SGCZ: variants seen among roughly 807,000 people sequenced by gnomAD.
SGCZ encodes the protein sarcoglycan zeta.
In SGCZ, 40 loss-of-function variants were observed where a neutral mutation model predicts 41.3. The observed-to-expected ratio is 0.97, with a 90% CI of 0.75 to 1.26. SGCZ has a LOEUF of 1.26. Among genes scored for constraint, SGCZ ranks in the 50% most tolerant of loss-of-function variants. The pLI is 0.00. For missense variants in SGCZ, 552 were observed against 369.8 expected (o/e 1.49, Z -4.04); for synonymous variants, 206 against 137.5 (o/e 1.50, Z -3.49).
At chr8:14,683,960 G>C (rs1808526946) in intron 1 of SGCZ, among the ~76,000 whole-genome samples, 1 of 152,046 alleles carries the variant, frequency 6.6e-6, no homozygotes, top group Non-Finnish European at 1.5e-5. Flanking sequence ...ATCTGAATGT[G>C]TTTCATCTCA....
chr8:15,216,573 G>T lies in SGCZ; in HGVS notation c.39+21012C>A, dbSNP rs900563111. Among the ~76,000 whole-genome samples the T allele has an allele frequency of 1.3e-4, 20 of 151,906 alleles. 1 individual carries two copies. Among genetic ancestry groups the T allele is most frequent in the African/African-American group, 4.8e-4 (20 of 41,358 alleles). ...GTAACAAAGACCCTGTACAAGTTGT[G>T]TATAAATATACAGAATTCCCAGGAA... On this transcript the variant is annotated intron_variant, in intron 1 of 7. Coordinates refer to ENST00000382080, the MANE Select transcript of SGCZ (RefSeq NM_139167.4).
chr8:14,372,880 G>C (rs1210208487), intron 2 of SGCZ, among the ~76,000 whole-genome samples: 1 of 151,920 alleles, frequency 6.6e-6, no homozygotes, highest in Non-Finnish European at 1.5e-5. Flanking sequence ...GAGGGACTTA[G>C]TAGTTAATTG....
At chr8:14,320,715 T>C (rs1382447939) in intron 3 of SGCZ, among the ~76,000 whole-genome samples, 1 of 152,026 alleles carries the variant, frequency 6.6e-6, no homozygotes, top group Non-Finnish European at 1.5e-5. Flanking sequence ...GTGGAGTTAC[T>C]GGAATTTGAA....
At chr8:14,311,329 G>A (rs946335912) in intron 3 of SGCZ, among the ~76,000 whole-genome samples, 72 of 152,176 alleles carry the variant, frequency 4.7e-4, no homozygotes, top group African/African-American at 1.7e-3. Flanking sequence ...TAGTTCCACA[G>A]TCATAAAAAA....
chr8:14,456,243 T>G (rs934230938), intron 2 of SGCZ, among the ~76,000 whole-genome samples: 1 of 152,078 alleles, frequency 6.6e-6, no homozygotes, highest in Non-Finnish European at 1.5e-5. Context: ...ACCCTGTCTC[T>G]ACTAAATATA....
intron 2 of SGCZ, among the ~76,000 whole-genome samples, chr8:14,378,627 GAAC>G (rs1804233772): frequency 6.6e-6 from 1 of 152,144 alleles, no homozygotes; most frequent in African/African-American, 2.4e-5. Context: ...AAGGACATGA[GAAC>G]CCTTGATTTA....
chr8:14,494,749 G>T (rs1354120950), intron 2 of SGCZ, among the ~76,000 whole-genome samples: 3 of 152,170 alleles, frequency 2.0e-5, no homozygotes, highest in Non-Finnish European at 2.9e-5. Context: ...GTGACTGTTT[G>T]TAACCAGAGG....
At chr8:15,012,742 A>C (rs1311301158) in intron 1 of SGCZ, among the ~76,000 whole-genome samples, 1 of 146,920 alleles carries the variant, frequency 6.8e-6, no homozygotes, top group Non-Finnish European at 1.5e-5. Flanking sequence ...AATATGTTAT[A>C]GAATATAAAT....
At chr8:14,136,529 C>G (rs1022261944) in intron 5 of SGCZ, among the ~76,000 whole-genome samples, 3 of 152,190 alleles carry the variant, frequency 2.0e-5, no homozygotes, top group African/African-American at 7.2e-5. Context: ...GTTCCACACC[C>G]AAAGAGCCTT....
At chr8:15,076,147 C>T (rs1241821098) in intron 1 of SGCZ, among the ~76,000 whole-genome samples, 1 of 152,104 alleles carries the variant, frequency 6.6e-6, no homozygotes, top group African/African-American at 2.4e-5. Flanking sequence ...TACAAAATAT[C>T]TGAAGATATT....
At chr8:14,247,208 G>A (rs750695178) in intron 3 of SGCZ, among the ~76,000 whole-genome samples, 7 of 152,164 alleles carry the variant, frequency 4.6e-5, no homozygotes, top group Admixed American at 3.9e-4. Context: ...GAATTAGCTA[G>A]TCATGGAGGC....
intron 1 of SGCZ, among the ~76,000 whole-genome samples, chr8:14,797,791 G>A (rs1429375300): frequency 2.0e-5 from 3 of 152,194 alleles, no homozygotes; most frequent in Non-Finnish European, 4.4e-5. Flanking sequence ...TGCAGCCTAG[G>A]GATTTGGTGC....
chr8:14,855,106 A>G (rs1374596127), intron 1 of SGCZ, among the ~76,000 whole-genome samples: 1 of 151,886 alleles, frequency 6.6e-6, no homozygotes, highest in East Asian at 1.9e-4. Flanking sequence ...CAACTGGAGT[A>G]CAGTGGCACA....
chr8:14,191,477 G>A (rs1384653892), intron 4 of SGCZ, among the ~76,000 whole-genome samples: 1 of 152,148 alleles, frequency 6.6e-6, no homozygotes, highest in African/African-American at 2.4e-5. Flanking sequence ...CTTAGGTATA[G>A]ATCTTTAATC....
At chr8:15,193,152 T>C (rs952185895) in intron 1 of SGCZ, among the ~76,000 whole-genome samples, 19 of 152,030 alleles carry the variant, frequency 1.2e-4, no homozygotes, top group Admixed American at 5.9e-4. Flanking sequence ...TTTGAGCAAG[T>C]CTCCTGATTC....
At chr8:14,269,471 G>C (rs957495879) in intron 3 of SGCZ, among the ~76,000 whole-genome samples, 2 of 151,966 alleles carry the variant, frequency 1.3e-5, no homozygotes, top group African/African-American at 4.8e-5. Flanking sequence ...CACTGCATCA[G>C]AAATATATGC....
intron 4 of SGCZ, among the ~76,000 whole-genome samples, chr8:14,232,146 T>TAC (rs34088537): frequency 2.6e-5 from 4 of 151,108 alleles, no homozygotes; most frequent in African/African-American, 7.3e-5. Context: ...CATATATATA[T>TAC]ACATATATAT....
Position 14,554,738 on chromosome 8 carries a change from G to A in SGCZ, c.228C>T (p.Phe76=), listed in dbSNP as rs753269316. Residue 76 remains phenylalanine, a synonymous_variant, in exon 2 of 8, where the codon TTC becomes TTT. Coordinates refer to ENST00000382080, the MANE Select transcript of SGCZ (RefSeq NM_139167.4). ...AAATCATAGTGGTACTTACCACAGT[G>A]AAATTCATAACTTTCAATATCCATA... ...MTIWILKVMN[F]TVDGMGNLRV... 6.2e-7 allele frequency: 1 copy of A among 1,611,968 alleles called. No homozygotes were observed. Among genetic ancestry groups the A allele is most frequent in the Non-Finnish European group, 8.5e-7 (1 of 1,178,760 alleles).
chr8:14,973,256 A>C (rs1165062736), intron 1 of SGCZ, among the ~76,000 whole-genome samples: 1 of 152,174 alleles, frequency 6.6e-6, no homozygotes, highest in East Asian at 1.9e-4. Context: ...ATCATCGAGG[A>C]AGATAGTACC....
Sources: gnomAD v4.1 joint callset for allele counts (sites outside exome capture counted in the v4.1 genomes callset) on GRCh38, gnomAD v4.1.1 for gene constraint, MANE v1.5 for transcripts, NCBI Gene and HGNC (gene_info 2026-07-23, HGNC 2026-07-21) for gene names.